The following PLEKHA2 variants were observed in gnomAD, a reference collection of about 807,000 sequenced individuals.
The protein encoded by PLEKHA2 is pleckstrin homology domain containing A2.
Under a neutral mutation model 53.2 loss-of-function variants are expected in PLEKHA2, and 28 were observed. That is an observed-to-expected ratio of 0.53 (90% CI 0.39 to 0.72). The LOEUF is 0.72. PLEKHA2 is among the 30% of genes least tolerant of loss of function. The pLI, the probability that PLEKHA2 is intolerant of heterozygous loss-of-function variation, is 0.00. For synonymous variants in PLEKHA2, 193 were observed against 196.4 expected, an observed-to-expected ratio of 0.98 and a Z score of 0.14; for missense variants, 426 against 537.9, an observed-to-expected ratio of 0.79 and a Z score of 2.06.
chr8:38,953,657 C>T (rs574366551), intron 9 of PLEKHA2, among the ~76,000 whole-genome samples: 2 of 152,238 alleles, frequency 1.3e-5, no homozygotes, highest in African/African-American at 2.4e-5. Flanking sequence ...AGTGGGGCTC[C>T]GAAGCTTCTC....
chr8:38,914,123 T>G (rs894472799), intron 1 of PLEKHA2, among the ~76,000 whole-genome samples: 8 of 152,250 alleles, frequency 5.3e-5, no homozygotes, highest in African/African-American at 1.9e-4. Context: ...CTGTGCTGTT[T>G]CACCTCTGTC....
intron 1 of PLEKHA2, among the ~76,000 whole-genome samples, chr8:38,913,085 C>T (rs898563069): frequency 2.0e-5 from 3 of 152,096 alleles, no homozygotes; most frequent in African/African-American, 4.8e-5. Flanking sequence ...CAGGCATGAC[C>T]AGGCATGGTG....
rs1004599079 is a variant in PLEKHA2 at position 38,973,854 on chromosome 8, A to T, written c.*4071A>T. 4.2e-6 allele frequency: 1 copy of T among 237,974 alleles called. No individual in the cohort carries two copies. Among genetic ancestry groups the T allele is most frequent in the Non-Finnish European group, 8.1e-6 (1 of 123,098 alleles). The allele number at this position is 237,974 out of a possible 1,614,324, so 14.7% of individuals were successfully genotyped here. On this transcript the variant is annotated 3_prime_UTR_variant, in exon 12 of 12. Coordinates refer to ENST00000617275, the MANE Select transcript of PLEKHA2 (RefSeq NM_021623.2). ...TGATCTCCTAATTGGTATGTAGCAA[A>T]AATTTTCTAAAACTGTTTTGTGGCT... is the stretch of plus-strand genomic sequence containing the variant.
At position 38,972,821 on chromosome 8, in the gene PLEKHA2, T is replaced by TA. The variant is rs1464357230; in HGVS notation, c.*3042dup. ...AATGTACTGCATTTTCTTTGTGGAATAAAAGCCTTGCCTGAGTTGTGCTAT... is the reference window on the plus strand; with the variant it reads ...AATGTACTGCATTTTCTTTGTGGAATAAAAAGCCTTGCCTGAGTTGTGCTAT... On this transcript the variant is annotated 3_prime_UTR_variant, in exon 12 of 12. Coordinates refer to ENST00000617275, the MANE Select transcript of PLEKHA2 (RefSeq NM_021623.2). 1.3e-5 allele frequency: 2 copies of TA among 152,212 alleles called. No individual in the cohort carries two copies. Among genetic ancestry groups the TA allele is most frequent in the African/African-American group, 4.8e-5 (2 of 41,454 alleles). The allele number at this position is 152,212 out of a possible 1,614,324, so 9.4% of individuals were successfully genotyped here.
At position 38,938,762 on chromosome 8, in the gene PLEKHA2, A is replaced by G. The variant is rs568818782; in HGVS notation, c.198+2712A>G. ...TGCTGTGGCCACCTCGGCTGTGTGGATGGCTGCACTTTGGTGGCCTCACTG... is the reference window on the plus strand; with the variant it reads ...TGCTGTGGCCACCTCGGCTGTGTGGGTGGCTGCACTTTGGTGGCCTCACTG... On this transcript the variant is annotated intron_variant, in intron 3 of 11. Transcript: ENST00000617275. Among the ~76,000 whole-genome samples, 7 of 152,154 alleles carry G rather than the reference A, an allele frequency of 4.6e-5. No homozygotes were observed. The East Asian group carries it at 1.4e-3, about 29-fold the overall frequency.
At chr8:38,940,115 G>A (rs1834575334) in intron 3 of PLEKHA2, among the ~76,000 whole-genome samples, 2 of 134,968 alleles carry the variant, frequency 1.5e-5, no homozygotes. Context: ...AAAAAAAAAA[G>A]GGCCAGGCGT....
chr8:38,923,444 T>G (rs752141119), intron 2 of PLEKHA2, among the ~76,000 whole-genome samples: 19 of 152,226 alleles, frequency 1.2e-4, no homozygotes, highest in Non-Finnish European at 2.5e-4. Flanking sequence ...TGACCTCAAA[T>G]GATCCCACTG....
At chr8:38,911,548 G>A (rs374137894) in intron 1 of PLEKHA2, among the ~76,000 whole-genome samples, 2 of 152,190 alleles carry the variant, frequency 1.3e-5, no homozygotes, top group South Asian at 4.2e-4. Context: ...CAGCATGAAC[G>A]CTTTCCATGT....
At chr8:38,938,635 C>G (rs1834541116) in intron 3 of PLEKHA2, among the ~76,000 whole-genome samples, 1 of 152,206 alleles carries the variant, frequency 6.6e-6, no homozygotes. Flanking sequence ...CTGCGTCACT[C>G]TACGGGGGAC....
chr8:38,940,556 C>T (rs537730411), intron 3 of PLEKHA2, among the ~76,000 whole-genome samples: 100 of 148,724 alleles, frequency 6.7e-4, no homozygotes, highest in Non-Finnish European at 9.9e-4. Flanking sequence ...GGAATGTGGA[C>T]GCTGAGGGCC....
rs960239092 is a variant in PLEKHA2 at position 38,966,463 on chromosome 8, G to C, written c.838-2129G>C. 2.6e-5 allele frequency among the ~76,000 whole-genome samples: 4 copies of C among 152,276 alleles called. No individual in the cohort carries two copies. In the East Asian group the frequency reaches 7.7e-4, roughly 29 times the overall value. On this transcript the variant is annotated intron_variant, in intron 10 of 11. Transcript: ENST00000617275. ...GAAGGCTAACATGCATATTTCTGGA[G>C]ATTCTGCCTGGTCCCATTGCTGTGT...
intron 11 of PLEKHA2, 26 bp downstream of exon 11, chr8:38,968,695 A>G: frequency 6.2e-7 from 1 of 1,611,548 alleles, no homozygotes; most frequent in Non-Finnish European, 8.5e-7. Flanking sequence ...TCTGTTGCAC[A>G]GTGTCAACTC....
At chr8:38,906,144 A>T (rs1833870015) in intron 1 of PLEKHA2, among the ~76,000 whole-genome samples, 1 of 152,366 alleles carries the variant, frequency 6.6e-6, no homozygotes, top group South Asian at 2.1e-4. Flanking sequence ...AAACTTTCAC[A>T]ATTCTGAAAG....
At position 38,969,416 on chromosome 8, in the gene PLEKHA2, T is replaced by G; in HGVS notation, c.916-5T>G. The G allele has an allele frequency of 6.2e-7, 1 of 1,600,372 alleles. No individual in the cohort carries two copies. Among genetic ancestry groups the G allele is most frequent in the African/African-American group, 1.4e-5 (1 of 73,668 alleles). On this transcript the variant is annotated splice_polypyrimidine_tract_variant and splice_region_variant and intron_variant, in intron 11 of 11. Coordinates refer to ENST00000617275, the MANE Select transcript of PLEKHA2 (RefSeq NM_021623.2). Reference sequence around the variant, plus strand: ...TTTGTCTTTTTCTTCCTTTTATTTTTATAGGAAACGTCCTTTTCTAGATCC... The same window carrying G: ...TTTGTCTTTTTCTTCCTTTTATTTTGATAGGAAACGTCCTTTTCTAGATCC...
intron 2 of PLEKHA2, 149 bp downstream of exon 2, chr8:38,918,219 C>A: frequency 1.9e-6 from 2 of 1,059,618 alleles, no homozygotes; most frequent in South Asian, 1.7e-5. Flanking sequence ...CACACACAGA[C>A]ACACACACAA....
chr8:38,928,875 T>C (rs892955175), intron 2 of PLEKHA2, among the ~76,000 whole-genome samples: 2 of 152,130 alleles, frequency 1.3e-5, no homozygotes, highest in African/African-American at 2.4e-5. Context: ...GAGAGGTGTT[T>C]GGCCCTAGAG....
At chr8:38,926,049 A>G (rs1160896988) in intron 2 of PLEKHA2, among the ~76,000 whole-genome samples, 3 of 152,390 alleles carry the variant, frequency 2.0e-5, no homozygotes, top group Middle Eastern at 3.4e-3. Context: ...AGGGGCAGCC[A>G]GTCTTGACAG....
intron 2 of PLEKHA2, among the ~76,000 whole-genome samples, chr8:38,929,873 ATGGATCGATAGT>A (rs1342878602): frequency 2.0e-5 from 3 of 150,942 alleles, no homozygotes; most frequent in Non-Finnish European, 4.4e-5. Context: ...CTGTGAGTTT[ATGGATCGATAGT>A]TGGGTCTTCT....
rs533426984 is a variant in PLEKHA2, at chr8:38,915,409, G to C, written c.-23-2498G>C. 2.0e-5 allele frequency among the ~76,000 whole-genome samples: 3 copies of C among 152,348 alleles called. No individual in the cohort carries two copies. The South Asian group carries it at 6.2e-4, about 32-fold the overall frequency. On this transcript the variant is annotated intron_variant, in intron 1 of 11. Transcript: ENST00000617275. Reference sequence around the variant, plus strand: ...AAGTCCAAGGGCAGGGTGTTAACAGGGTTGGTTTCTTCTGAGGGCCGTGAG... The same window carrying C: ...AAGTCCAAGGGCAGGGTGTTAACAGCGTTGGTTTCTTCTGAGGGCCGTGAG...
Sources: gnomAD v4.1 joint callset for allele counts (sites outside exome capture counted in the v4.1 genomes callset) on GRCh38, gnomAD v4.1.1 for gene constraint, MANE v1.5 for transcripts, NCBI Gene and HGNC (gene_info 2026-07-23, HGNC 2026-07-21) for gene names.